The following TBC1D1 variants were observed in gnomAD, a reference collection of about 807,000 sequenced individuals.
TBC1D1 encodes the protein TBC1 (tre-2/USP6, BUB2, cdc16) domain family, member 1.
Under a neutral mutation model 125.6 loss-of-function variants are expected in TBC1D1, and 89 were observed. That is an observed-to-expected ratio of 0.71 (90% confidence interval 0.60 to 0.85). TBC1D1 has a LOEUF of 0.85. TBC1D1 is among the 40% of genes least tolerant of loss of function. The pLI, the probability that TBC1D1 is intolerant of heterozygous loss-of-function variation, is 0.00. For missense variants in TBC1D1, 1,377 were observed against 1,469.2 expected (o/e 0.94, Z 1.03); for synonymous variants, 565 against 564.1 (o/e 1.00, Z -0.02).
chr4:38,122,347 T>A (rs1037552172), intron 17 of TBC1D1, among the ~76,000 whole-genome samples: 17 of 152,246 alleles, frequency 1.1e-4, no homozygotes, highest in African/African-American at 4.1e-4. Context: ...ATTGCTTGGC[T>A]GGGGCAGAGG....
At chr4:37,958,828 C>G (rs1729405072) in intron 2 of TBC1D1, among the ~76,000 whole-genome samples, 2 of 152,222 alleles carry the variant, frequency 1.3e-5, no homozygotes, top group African/African-American at 2.4e-5. Context: ...TAAAAGTTGC[C>G]TACCATAGTG....
At chr4:37,965,956 A>G (rs985631705) in intron 2 of TBC1D1, among the ~76,000 whole-genome samples, 1 of 152,140 alleles carries the variant, frequency 6.6e-6, no homozygotes, top group Admixed American at 6.6e-5. Context: ...CATGTTGGCC[A>G]GGCTGGTCTT....
intron 2 of TBC1D1, among the ~76,000 whole-genome samples, chr4:37,981,192 C>G (rs994934486): frequency 1.3e-5 from 2 of 152,180 alleles, no homozygotes; most frequent in East Asian, 3.9e-4. Context: ...ATCTGCCCAC[C>G]TCCGCCTCCC....
At chr4:38,019,637 T>C (rs1743569521) in intron 4 of TBC1D1, among the ~76,000 whole-genome samples, 1 of 152,216 alleles carries the variant, frequency 6.6e-6, no homozygotes, top group East Asian at 1.9e-4. Flanking sequence ...CTCTGCATGA[T>C]GATGCTTTCA....
At position 38,054,216 on chromosome 4, in the gene TBC1D1, C is replaced by A. The variant is rs762508564; in HGVS notation, c.1928C>A (p.Ala643Glu). The change falls in exon 12 of 20, where the codon GCA becomes GAA. Residue 643 changes from alanine (A) to glutamate (E), a missense_variant. By Grantham distance (107) the Ala-to-Glu change is moderately radical. Coordinates refer to ENST00000261439, the MANE Select transcript of TBC1D1 (RefSeq NM_015173.4). ...AATTTTAGGGACTTTGAATCCAAAG[C>A]AAACCATCTTGGTGATTCTGGTGGG... 2.5e-6 allele frequency: 4 copies of A among 1,614,166 alleles called. No individual in the cohort carries two copies. The East Asian group carries it at 8.9e-5, about 36-fold the overall frequency.
chr4:38,073,427 G>A (rs903431926), intron 12 of TBC1D1, among the ~76,000 whole-genome samples: 2 of 152,174 alleles, frequency 1.3e-5, no homozygotes, highest in Non-Finnish European at 2.9e-5. Flanking sequence ...CCTAGTGAGC[G>A]TGAGGTAATA....
In TBC1D1 at chr4:38,115,924, A is replaced by G; in HGVS notation, c.2772A>G (p.Lys924=). 3.7e-6 allele frequency: 6 copies of G among 1,614,196 alleles called. No homozygotes were observed. The highest frequency in any genetic ancestry group is 1.6e-4 in the Middle Eastern group (1 of 6,062). Reference sequence around the variant, plus strand: ...TGATGTTTGACATGGGGCTGCGGAAACAGTATCGGCCAGACATGATTATTT... The same window carrying G: ...TGATGTTTGACATGGGGCTGCGGAAGCAGTATCGGCCAGACATGATTATTT... The change falls in exon 16 of 20, where the codon AAA becomes AAG. Residue 924 remains lysine (K), a synonymous_variant. Coordinates refer to ENST00000261439, the MANE Select transcript of TBC1D1 (RefSeq NM_015173.4).
chr4:38,058,924 A>C (rs746375746), intron 12 of TBC1D1, among the ~76,000 whole-genome samples: 1 of 152,226 alleles, frequency 6.6e-6, no homozygotes, highest in African/African-American at 2.4e-5. Context: ...TAGTGTAAAA[A>C]GAGAAGAAAA....
At chr4:38,128,726 A>T (rs1384981384) in intron 18 of TBC1D1, among the ~76,000 whole-genome samples, 1 of 152,204 alleles carries the variant, frequency 6.6e-6, no homozygotes, top group African/African-American at 2.4e-5. Context: ...CAAAGGTGAC[A>T]GAGCCCAGGA....
chr4:37,999,263 A>AG (rs1316417212), intron 2 of TBC1D1, among the ~76,000 whole-genome samples: 1 of 152,206 alleles, frequency 6.6e-6, no homozygotes, highest in Non-Finnish European at 1.5e-5. Context: ...AAACAAAAAC[A>AG]GAAGAAAAAA....
At chr4:37,915,901 A>G (rs575123847) in intron 2 of TBC1D1, among the ~76,000 whole-genome samples, 2 of 152,220 alleles carry the variant, frequency 1.3e-5, no homozygotes, top group African/African-American at 4.8e-5. Context: ...AATCTGCACC[A>G]TTCTCTTCTT....
At chr4:38,063,289 C>G (rs1026062843) in intron 12 of TBC1D1, among the ~76,000 whole-genome samples, 5 of 152,264 alleles carry the variant, frequency 3.3e-5, no homozygotes, top group African/African-American at 9.6e-5. Context: ...CTTTCAGGGC[C>G]TGGCAGGTGT....
intron 12 of TBC1D1, among the ~76,000 whole-genome samples, chr4:38,056,841 G>GT (rs552553290): frequency 1.3e-5 from 2 of 152,094 alleles, no homozygotes; most frequent in African/African-American, 4.8e-5. Context: ...TACTTGAGAA[G>GT]TTTTTTTCCC....
rs1204664260 is a variant in TBC1D1 at position 38,014,087 on chromosome 4, C to T, written c.418-422C>T. Among the ~76,000 whole-genome samples the T allele has an allele frequency of 2.0e-5, 3 of 152,192 alleles. No individual in the cohort carries two copies. Among genetic ancestry groups the T allele is most frequent in the African/African-American group, 4.8e-5 (2 of 41,436 alleles). ...GAATAATTGAGTCATGTTTTGTGAA[C>T]CACGTTGGAGACAGACTTCTCTGGG... On this transcript the variant is annotated intron_variant, in intron 2 of 19. Coordinates refer to ENST00000261439, the MANE Select transcript of TBC1D1 (RefSeq NM_015173.4). This position sits in a 1 kb window ranked among gnomAD's most constrained non-coding sequence, Gnocchi z 5.1.
At chr4:38,052,749 CACACACACACACACAG>C (rs1017991023) in intron 11 of TBC1D1, among the ~76,000 whole-genome samples, 20 of 148,630 alleles carry the variant, frequency 1.3e-4, no homozygotes, top group East Asian at 7.8e-4. Flanking sequence ...CACACACACA[CACACACACACACACAG>C]GATAACATCT....
At chr4:37,963,553 A>C (rs1730469257) in intron 2 of TBC1D1, among the ~76,000 whole-genome samples, 1 of 152,214 alleles carries the variant, frequency 6.6e-6, no homozygotes, top group Non-Finnish European at 1.5e-5. Context: ...CTCACTGAGG[A>C]GGCTGAGGCA....
At position 38,083,934 on chromosome 4, in the gene TBC1D1, C is replaced by CTTTTT. The variant is rs61161366; in HGVS notation, c.2051-5984_2051-5980dup. ...TTTCTTTATACCAAATGAATGTTGT[C>CTTTTT]TTTTTTTTTTTTTTTTTTCTTGAGA... On this transcript the variant is annotated intron_variant, in intron 12 of 19. Coordinates refer to ENST00000261439, the MANE Select transcript of TBC1D1 (RefSeq NM_015173.4). Among the ~76,000 whole-genome samples the CTTTTT allele has an allele frequency of 4.9e-4, 65 of 133,294 alleles. 1 individual carries two copies. Among genetic ancestry groups the CTTTTT allele is most frequent in the African/African-American group, 1.4e-3 (49 of 35,380 alleles). The allele number at this position is 133,294 out of a possible 152,430, so 87.4% of individuals were successfully genotyped here.
At chr4:37,935,858 G>C (rs1168021711) in intron 2 of TBC1D1, among the ~76,000 whole-genome samples, 1 of 152,176 alleles carries the variant, frequency 6.6e-6, no homozygotes, top group East Asian at 1.9e-4. Flanking sequence ...CCTGCCATCT[G>C]CCCTAATGTG....
chr4:37,914,606 C>T (rs6858735), intron 2 of TBC1D1, among the ~76,000 whole-genome samples: 4,921 of 152,278 alleles, frequency 0.032, 260 homozygotes, highest in African/African-American at 0.11. Flanking sequence ...AAGACATCTT[C>T]TAAAACCCAA....
Sources: gnomAD v4.1 joint callset for allele counts (sites outside exome capture counted in the v4.1 genomes callset) on GRCh38, gnomAD v4.1.1 for gene constraint, Gnocchi (gnomAD v3.1) non-coding constraint, MANE v1.5 for transcripts, NCBI Gene and HGNC (gene_info 2026-07-23, HGNC 2026-07-21) for gene names.